ANKRD44: variants seen among roughly 807,000 people sequenced by gnomAD.
ANKRD44 encodes the protein ankyrin repeat domain 44, also known as serine/threonine-protein phosphatase 6 regulatory ankyrin repeat subunit B.
ANKRD44 carries 35 observed loss-of-function variants against 116.0 expected under a neutral mutation model. That is an observed-to-expected ratio of 0.30 (90% CI 0.23 to 0.40). The LOEUF (loss-of-function observed/expected upper bound fraction) is 0.40. ANKRD44 is among the 10% of genes least tolerant of loss of function. ANKRD44 has a pLI of 1.00. For missense variants in ANKRD44, 1,014 were observed against 1,242.6 expected (o/e 0.82, Z 2.77); for synonymous variants, 435 against 461.8 (o/e 0.94, Z 0.74).
At chr2:196,992,595 T>C (rs148775855) in intron 27 of ANKRD44, 1 of 152,490 alleles carries the variant, frequency 6.6e-6, no homozygotes, top group Non-Finnish European at 1.5e-5. Flanking sequence ...TCTACAGTAG[T>C]GTTAAGAGGG....
intron 3 of ANKRD44, among the ~76,000 whole-genome samples, chr2:197,146,245 T>A (rs1339856472): frequency 1.3e-5 from 2 of 152,206 alleles, no homozygotes; most frequent in Admixed American, 1.3e-4. Context: ...TACAGAGAGT[T>A]GTAGTAGTTC....
intron 8 of ANKRD44, among the ~76,000 whole-genome samples, chr2:197,117,558 C>G (rs2078742497): frequency 6.6e-6 from 1 of 151,852 alleles, no homozygotes; most frequent in Non-Finnish European, 1.5e-5. Context: ...TCTTTGGAGA[C>G]AGGGTTTCAC....
At chr2:197,084,226 C>G (rs1160768245) in intron 13 of ANKRD44, among the ~76,000 whole-genome samples, 1 of 152,138 alleles carries the variant, frequency 6.6e-6, no homozygotes, top group East Asian at 1.9e-4. Context: ...GATAACCAAA[C>G]TGGATGACTT....
At chr2:197,218,688 T>C (rs1373811582) in intron 1 of ANKRD44, among the ~76,000 whole-genome samples, 1 of 147,962 alleles carries the variant, frequency 6.8e-6, no homozygotes, top group Non-Finnish European at 1.5e-5. Context: ...GCCCAAGGGA[T>C]AGAGAAAAAA....
intron 27 of ANKRD44, among the ~76,000 whole-genome samples, chr2:196,991,161 G>A (rs1026669918): frequency 3.3e-5 from 5 of 152,176 alleles, no homozygotes; most frequent in African/African-American, 1.2e-4. Context: ...CAGCTCATAT[G>A]ACTATGACAA....
intron 1 of ANKRD44, among the ~76,000 whole-genome samples, chr2:197,289,436 T>C (rs1464918669): frequency 3.3e-5 from 5 of 152,198 alleles, no homozygotes; most frequent in Non-Finnish European, 7.4e-5. Flanking sequence ...GACTTGCACA[T>C]AATTATTCAT....
chr2:197,111,775 G>GA (rs759439176), intron 8 of ANKRD44, among the ~76,000 whole-genome samples: 9 of 137,286 alleles, frequency 6.6e-5, no homozygotes, highest in Admixed American at 2.2e-4. Flanking sequence ...TAAAGAAAAA[G>GA]AAAAAAACAG....
intron 8 of ANKRD44, among the ~76,000 whole-genome samples, chr2:197,117,184 C>A (rs1574486898): frequency 4.2e-5 from 1 of 23,582 alleles, no homozygotes; most frequent in Non-Finnish European, 2.2e-4. Flanking sequence ...CTCTGCTGCA[C>A]CACCTTTCTT....
intron 12 of ANKRD44, among the ~76,000 whole-genome samples, chr2:197,088,436 T>C (rs887241440): frequency 1.3e-5 from 2 of 152,098 alleles, no homozygotes; most frequent in African/African-American, 4.8e-5. Context: ...GTAACTGATA[T>C]GTATTCTATA....
intron 1 of ANKRD44, among the ~76,000 whole-genome samples, chr2:197,269,212 A>T (rs2082824842): frequency 1.3e-5 from 2 of 152,316 alleles, no homozygotes; most frequent in South Asian, 4.1e-4. Context: ...GCAGAGTAAC[A>T]TTTTATCCCT....
chr2:197,136,182 T>C, intron 4 of ANKRD44: 1 of 189,326 alleles, frequency 5.3e-6, no homozygotes, highest in South Asian at 9.6e-5. Context: ...CAGTCCTCCC[T>C]CCTTCTCCTG....
At chr2:196,996,689 G>A (rs1298679022) in intron 25 of ANKRD44, among the ~76,000 whole-genome samples, 2 of 152,018 alleles carry the variant, frequency 1.3e-5, no homozygotes, top group Admixed American at 6.6e-5. Context: ...CGGATCACGA[G>A]GTCAGGAGTT....
Position 197,119,041 on chromosome 2 carries a change from T to G in ANKRD44, c.906+2291A>C, listed in dbSNP as rs2078790478. Among the ~76,000 whole-genome samples the G allele has an allele frequency of 1.3e-5, 2 of 152,192 alleles. 1 individual carries two copies. Among genetic ancestry groups the G allele is most frequent in the South Asian group, 4.1e-4 (2 of 4,826 alleles). On this transcript the variant is annotated intron_variant, in intron 8 of 27. Coordinates refer to ENST00000282272, the MANE Select transcript of ANKRD44 (RefSeq NM_001195144.2). ...GATCACTTTTTCTTATTGATTTGTATGAGCTCTTTTTATATCAAGCATATT... is the reference window on the plus strand; with the variant it reads ...GATCACTTTTTCTTATTGATTTGTAGGAGCTCTTTTTATATCAAGCATATT...
At chr2:197,184,011 T>A (rs1160742596) in intron 2 of ANKRD44, among the ~76,000 whole-genome samples, 1 of 152,234 alleles carries the variant, frequency 6.6e-6, no homozygotes, top group African/African-American at 2.4e-5. Context: ...TCTCATTTGT[T>A]GACTTCTCTG....
intron 2 of ANKRD44, among the ~76,000 whole-genome samples, chr2:197,167,427 T>C (rs1388405047): frequency 6.6e-6 from 1 of 152,230 alleles, no homozygotes; most frequent in Non-Finnish European, 1.5e-5. Flanking sequence ...TTCCCCTTTT[T>C]GGAATCTACA....
chr2:197,200,250 C>G (rs1439731600), intron 1 of ANKRD44, among the ~76,000 whole-genome samples: 3 of 152,088 alleles, frequency 2.0e-5, no homozygotes, highest in Non-Finnish European at 4.4e-5. Context: ...TTCTAGGAGC[C>G]TTCTTGATTC....
At chr2:196,982,402 GTTT>G, downstream of ANKRD44, among the ~76,000 whole-genome samples, 2 of 152,250 alleles carry the variant, frequency 1.3e-5, no homozygotes, top group Non-Finnish European at 1.5e-5. Context: ...ATAGCAGGCT[GTTT>G]CCTTGGAGTA....
intron 1 of ANKRD44, among the ~76,000 whole-genome samples, chr2:197,221,485 T>C (rs970026630): frequency 6.6e-6 from 1 of 152,128 alleles, no homozygotes; most frequent in African/African-American, 2.4e-5. Flanking sequence ...ACTATGTTGC[T>C]TAGGCTGGAA....
intron 1 of ANKRD44, among the ~76,000 whole-genome samples, chr2:197,268,793 G>A (rs376822319): frequency 2.0e-5 from 3 of 152,138 alleles, no homozygotes; most frequent in African/African-American, 7.2e-5. Context: ...CCTTCACTCC[G>A]CAGAACTGGG....
Sources: allele counts gnomAD v4.1 joint callset (sites outside exome capture counted in the v4.1 genomes callset), GRCh38; gene constraint gnomAD v4.1.1; transcripts MANE v1.5; gene names NCBI Gene and HGNC (gene_info 2026-07-23, HGNC 2026-07-21).